The following GABBR2 variants were observed in gnomAD, a reference collection of about 807,000 sequenced individuals.
The protein encoded by GABBR2 is G-protein coupled receptor 51.
A neutral mutation model predicts 105.6 loss-of-function variants in GABBR2; 23 were observed. The observed-to-expected ratio is 0.22, with a 90% CI of 0.16 to 0.31. GABBR2 has a LOEUF of 0.31. GABBR2 is among the 10% of genes least tolerant of loss of function. The pLI is 1.00. For missense variants in GABBR2, 734 were observed against 1,245.5 expected (o/e 0.59, Z 6.18); for synonymous variants, 478 against 499.7 (o/e 0.96, Z 0.58).
chr9:98,303,180 A>G (rs1830496480), intron 16 of GABBR2, 61 bp downstream of exon 16: 1 of 1,391,484 alleles, frequency 7.2e-7, no homozygotes, highest in Non-Finnish European at 1.0e-6. Flanking sequence ...GAGTCCCCGC[A>G]CAGGGTTAGA....
chr9:98,544,021 C>T (rs1588221046), intron 2 of GABBR2, among the ~76,000 whole-genome samples: 1 of 151,220 alleles, frequency 6.6e-6, no homozygotes, highest in African/African-American at 2.4e-5. Context: ...TCCCTCCTTC[C>T]CTCCCTCCCT....
chr9:98,295,999 A>C (rs563322920), intron 17 of GABBR2, among the ~76,000 whole-genome samples: 46 of 152,384 alleles, frequency 3.0e-4, no homozygotes, highest in Admixed American at 5.9e-4. Context: ...CAGAAAGAAC[A>C]TAACTACCGC....
chr9:98,425,203 G>T (rs1233126874), intron 7 of GABBR2, among the ~76,000 whole-genome samples: 4 of 151,594 alleles, frequency 2.6e-5, no homozygotes, highest in Non-Finnish European at 5.9e-5. Context: ...GAGAAATGGG[G>T]ATGAAAAGGA....
At chr9:98,548,461 C>A (rs1432963206) in intron 2 of GABBR2, among the ~76,000 whole-genome samples, 3 of 115,492 alleles carry the variant, frequency 2.6e-5, no homozygotes, top group Non-Finnish European at 5.7e-5. Context: ...TTCTTTCCTG[C>A]CTAAAAAATT....
At chr9:98,534,628 T>A (rs1399050685) in intron 3 of GABBR2, among the ~76,000 whole-genome samples, 1 of 152,208 alleles carries the variant, frequency 6.6e-6, no homozygotes, top group African/African-American at 2.4e-5. Flanking sequence ...TACGAAAAGA[T>A]GCTCCACATC....
At chr9:98,669,901 A>C (rs1228490020) in intron 1 of GABBR2, among the ~76,000 whole-genome samples, 1 of 151,706 alleles carries the variant, frequency 6.6e-6, no homozygotes. Flanking sequence ...TTGAGAAGGT[A>C]ATGTTTGAGC....
intron 1 of GABBR2, among the ~76,000 whole-genome samples, chr9:98,631,156 T>C (rs1001463738): frequency 2.0e-5 from 3 of 152,118 alleles, no homozygotes; most frequent in Admixed American, 2.0e-4. Flanking sequence ...CTTCCAAAAT[T>C]AGACTGAGTT....
At chr9:98,644,282 T>C (rs1830003464) in intron 1 of GABBR2, among the ~76,000 whole-genome samples, 1 of 152,082 alleles carries the variant, frequency 6.6e-6, no homozygotes, top group South Asian at 2.1e-4. Flanking sequence ...GCAGATGTGG[T>C]GGATAATTAC....
At chr9:98,291,729 C>T (rs1205156016) in intron 18 of GABBR2, among the ~76,000 whole-genome samples, 1 of 152,222 alleles carries the variant, frequency 6.6e-6, no homozygotes, top group African/African-American at 2.4e-5. Context: ...GGAAACCCTG[C>T]TCCTGGGTGC....
chr9:98,383,961 T>C (rs1832026360), intron 11 of GABBR2, among the ~76,000 whole-genome samples: 1 of 152,142 alleles, frequency 6.6e-6, no homozygotes. Flanking sequence ...CATCCAGCAG[T>C]GGGCAACACT....
chr9:98,344,094 C>A (rs1588113126), intron 13 of GABBR2, among the ~76,000 whole-genome samples: 1 of 152,234 alleles, frequency 6.6e-6, no homozygotes, highest in Non-Finnish European at 1.5e-5. Flanking sequence ...ATTTCCCCCA[C>A]CTTTCCAGTC....
chr9:98,399,006 T>C (rs541152049), intron 8 of GABBR2, among the ~76,000 whole-genome samples: 11 of 152,230 alleles, frequency 7.2e-5, no homozygotes, highest in Admixed American at 2.0e-4. Flanking sequence ...CAATAGGCTG[T>C]CTGCCCCAGG....
chr9:98,703,375 T>A (rs1271214523), intron 1 of GABBR2, among the ~76,000 whole-genome samples: 3 of 152,156 alleles, frequency 2.0e-5, no homozygotes, highest in African/African-American at 7.2e-5. Context: ...GCATCAAGAG[T>A]ACTAAACAAC....
intron 12 of GABBR2, among the ~76,000 whole-genome samples, chr9:98,367,548 G>A (rs1831704771): frequency 6.6e-6 from 1 of 152,090 alleles, no homozygotes; most frequent in Non-Finnish European, 1.5e-5. Context: ...GGAGATGGAT[G>A]GTGATGATGG....
At chr9:98,449,865 C>A (rs991145607) in intron 7 of GABBR2, among the ~76,000 whole-genome samples, 4 of 152,080 alleles carry the variant, frequency 2.6e-5, no homozygotes, top group Non-Finnish European at 5.9e-5. Context: ...TGTACGGCAC[C>A]CCCAAGTCAT....
intron 1 of GABBR2, among the ~76,000 whole-genome samples, chr9:98,630,426 G>A (rs2131828219): frequency 6.6e-6 from 1 of 152,306 alleles, no homozygotes; most frequent in Admixed American, 6.5e-5. Context: ...TCATCATTAT[G>A]ACTGAGAAGT....
intron 13 of GABBR2, among the ~76,000 whole-genome samples, chr9:98,336,814 T>TAA (rs60984571): frequency 0.44 from 67,021 of 151,528 alleles, 14,927 homozygotes; most frequent in African/African-American, 0.48. Context: ...CAGAATGAAT[T>TAA]AAAAAAAACA....
intron 4 of GABBR2, among the ~76,000 whole-genome samples, chr9:98,490,515 A>T (rs994610147): frequency 1.3e-5 from 2 of 152,112 alleles, no homozygotes; most frequent in East Asian, 3.9e-4. Flanking sequence ...ACAATAAAAG[A>T]TTTTCTTTAA....
At chr9:98,521,790 A>G (rs953191525) in intron 3 of GABBR2, among the ~76,000 whole-genome samples, 4 of 152,206 alleles carry the variant, frequency 2.6e-5, no homozygotes, top group African/African-American at 7.2e-5. Context: ...AGGGGACTCA[A>G]GAAGAACTCA....
Sources: gnomAD v4.1 joint callset for allele counts (sites outside exome capture counted in the v4.1 genomes callset) on GRCh38, gnomAD v4.1.1 for gene constraint, MANE v1.5 for transcripts, NCBI Gene and HGNC (gene_info 2026-07-23, HGNC 2026-07-21) for gene names.